The following FAM222A variants were observed in gnomAD, a reference collection of about 807,000 sequenced individuals.
FAM222A encodes family with sequence similarity 222 member A, also known as protein FAM222A.
FAM222A carries 7 observed loss-of-function variants against 25.8 expected under a neutral mutation model. That is an observed-to-expected ratio of 0.27 (90% confidence interval 0.15 to 0.51). The LOEUF is 0.51. FAM222A is among the 20% of genes least tolerant of loss of function. The pLI, the probability that FAM222A is intolerant of heterozygous loss-of-function variation, is 0.97. For missense variants in FAM222A, 573 were observed against 640.5 expected, an observed-to-expected ratio of 0.89 and a Z score of 1.14; for synonymous variants, 294 against 298.8, an observed-to-expected ratio of 0.98 and a Z score of 0.17.
chr12:109,735,929 C>T (rs955762591), intron 1 of FAM222A: 3 of 152,384 alleles, frequency 2.0e-5, no homozygotes, highest in South Asian at 4.1e-4. Context: ...AAACTTTGCA[C>T]CTTGGGATCC....
At chr12:109,734,672 A>G (rs930318257) in intron 1 of FAM222A, 1 of 152,074 alleles carries the variant, frequency 6.6e-6, no homozygotes. Context: ...AAATACAGAG[A>G]AGCACAAAGA....
At chr12:109,736,150 T>C (rs1464110493) in intron 1 of FAM222A, among the ~76,000 whole-genome samples, 3 of 152,200 alleles carry the variant, frequency 2.0e-5, no homozygotes, top group Non-Finnish European at 4.4e-5. Context: ...TGAGGTGCTC[T>C]CAGTGACTCA....
intron 2 of FAM222A, among the ~76,000 whole-genome samples, chr12:109,763,441 TGAG>T (rs1274002805): frequency 1.3e-5 from 2 of 152,218 alleles, no homozygotes; most frequent in Non-Finnish European, 2.9e-5. Context: ...GGGTCTGTCA[TGAG>T]GTTGCAGTCA....
At chr12:109,734,427 A>C (rs895352077) in intron 1 of FAM222A, 1 of 151,770 alleles carries the variant, frequency 6.6e-6, no homozygotes, top group Non-Finnish European at 1.5e-5. Flanking sequence ...CAGAAAGCTC[A>C]CTGCTTCCTG....
At chr12:109,757,889 A>G (rs1001248412) in intron 2 of FAM222A, among the ~76,000 whole-genome samples, 1 of 152,220 alleles carries the variant, frequency 6.6e-6, no homozygotes, top group East Asian at 1.9e-4. Context: ...AGGCAGCAAC[A>G]TCAGGACAAG....
intron 1 of FAM222A, among the ~76,000 whole-genome samples, chr12:109,742,802 C>T (rs1037898267): frequency 3.9e-5 from 6 of 151,928 alleles, no homozygotes; most frequent in African/African-American, 9.7e-5. Context: ...CAACCGTCTC[C>T]GGGAAATACA....
chr12:109,769,186 C>G lies in FAM222A; in HGVS notation c.1257C>G (p.Pro419=). ...LEYLINDIRP[P]CIKEQMLGKG... is the part of the protein sequence containing the mutation. ...ATCTCATCAACGACATCCGGCCGCC[C>G]TGCATCAAGGAGCAGATGCTGGGCA... The change falls in exon 3 of 3, where the codon CCC becomes CCG. Residue 419 remains proline, a synonymous_variant. Transcript: ENST00000538780. 6.2e-7 allele frequency: 1 copy of G among 1,612,520 alleles called. No homozygotes were observed. Among genetic ancestry groups the G allele is most frequent in the Non-Finnish European group, 8.5e-7 (1 of 1,179,840 alleles).
In FAM222A at chr12:109,768,759, G is replaced by A; in HGVS notation, c.830G>A (p.Gly277Glu). The change falls in exon 3 of 3, where the codon GGG (glycine) becomes GAG (glutamate). Residue 277 changes from glycine (G) to glutamate (E), a missense_variant. By Grantham distance (98) the Gly-to-Glu change is moderately conservative. Coordinates refer to ENST00000538780, the MANE Select transcript of FAM222A (RefSeq NM_032829.3). ...TTGGCTGGGGCCGCCAAGCCTGCAG[G>A]GTACGCAGACAGCGGCCTGGATTAC... ...LTLAGAAKPA[G>E]YADSGLDYLL... 1 of 1,583,092 alleles carries A rather than the reference G, an allele frequency of 6.3e-7. No homozygotes were observed. Among genetic ancestry groups the A allele is most frequent in the South Asian group, 1.1e-5 (1 of 88,580 alleles).
intron 2 of FAM222A, among the ~76,000 whole-genome samples, chr12:109,760,069 G>T (rs1888849376): frequency 6.6e-6 from 1 of 152,152 alleles, no homozygotes; most frequent in South Asian, 2.1e-4. Context: ...CCCTCTTACT[G>T]CATTTACCCA....
intron 2 of FAM222A, among the ~76,000 whole-genome samples, chr12:109,749,806 C>T (rs963377480): frequency 6.6e-6 from 1 of 152,104 alleles, no homozygotes; most frequent in African/African-American, 2.4e-5. Flanking sequence ...TGAATTATAT[C>T]CTAAGAGATA....
At chr12:109,758,225 C>A (rs1218253584) in intron 2 of FAM222A, among the ~76,000 whole-genome samples, 1 of 152,148 alleles carries the variant, frequency 6.6e-6, no homozygotes, top group Non-Finnish European at 1.5e-5. Flanking sequence ...CGTGTGTGCA[C>A]ATGTTAGAGA....
At chr12:109,762,506 C>T (rs1888927813) in intron 2 of FAM222A, among the ~76,000 whole-genome samples, 1 of 152,226 alleles carries the variant, frequency 6.6e-6, no homozygotes, top group African/African-American at 2.4e-5. Context: ...CCGCAGGCCC[C>T]CTCCCCACCA....
chr12:109,723,611 G>A (rs536590147), intron 1 of FAM222A, among the ~76,000 whole-genome samples: 155 of 152,342 alleles, frequency 1.0e-3, no homozygotes, highest in Middle Eastern at 3.4e-3. Context: ...ACTGGGCAGG[G>A]AAGCCCTGCC....
chr12:109,758,216 G>A (rs758646113), intron 2 of FAM222A, among the ~76,000 whole-genome samples: 11 of 152,190 alleles, frequency 7.2e-5, no homozygotes, highest in Non-Finnish European at 1.0e-4. Flanking sequence ...TGTAGCTTGC[G>A]TGTGTGCACA....
intron 1 of FAM222A, among the ~76,000 whole-genome samples, chr12:109,725,812 G>A (rs1458856169): frequency 6.6e-6 from 1 of 152,088 alleles, no homozygotes; most frequent in East Asian, 1.9e-4. Flanking sequence ...TGTCTGTTTC[G>A]TCTCATTTGT....
In FAM222A at chr12:109,770,445, C is replaced by T. The variant is rs1465563325; in HGVS notation, c.*1157C>T. 1 of 152,542 alleles carries T rather than the reference C, an allele frequency of 6.6e-6. No individual in the cohort carries two copies. The highest frequency in any genetic ancestry group is 2.4e-5 in the African/African-American group (1 of 41,440). The allele number at this position is 152,542 out of a possible 1,614,324, so 9.4% of individuals were successfully genotyped here. On this transcript the variant is annotated 3_prime_UTR_variant, in exon 3 of 3. Coordinates refer to ENST00000538780, the MANE Select transcript of FAM222A (RefSeq NM_032829.3). ...TATATTCTACTGTGAGAAGTGCAGT[C>T]TGCACTATATTGTTTTAAAAACGAA...
At chr12:109,751,174 C>G (rs940336670) in intron 2 of FAM222A, among the ~76,000 whole-genome samples, 1 of 151,374 alleles carries the variant, frequency 6.6e-6, no homozygotes, top group East Asian at 1.9e-4. Context: ...TTCTGCACCT[C>G]TTTTTTTTTC....
rs753323587 is a variant in FAM222A at position 109,768,216 on chromosome 12, C to G, written c.287C>G (p.Thr96Ser). ...CGCTACAGCCCCTACCCACAGCACACCGCTGGCTACCAGGGCCTTCTGGCC... is the reference window on the plus strand; with the variant it reads ...CGCTACAGCCCCTACCCACAGCACAGCGCTGGCTACCAGGGCCTTCTGGCC... ...GQRYSPYPQHTAGYQGLLAIV... is the reference protein window; with the variant it reads ...GQRYSPYPQHSAGYQGLLAIV... Residue 96 changes from threonine to serine, a missense_variant, in exon 3 of 3, where the codon ACC becomes AGC. Transcript: ENST00000538780. 3 of 1,612,476 alleles carry G rather than the reference C, an allele frequency of 1.9e-6. No homozygotes were observed. Among genetic ancestry groups the G allele is most frequent in the Non-Finnish European group, 2.5e-6 (3 of 1,179,590 alleles).
rs766800956 is a variant in FAM222A at position 109,759,612 on chromosome 12, CT to C, written c.83-8398del. On this transcript the variant is annotated intron_variant, in intron 2 of 2. Coordinates refer to ENST00000538780, the MANE Select transcript of FAM222A (RefSeq NM_032829.3). ...AATGGCAGCGGCAGTTCGTCCAGCA[CT>C]TCCAGCCCAGCCAGCCTTTTAAATT... Among the ~76,000 whole-genome samples, 130 of 152,246 alleles carry C rather than the reference CT, an allele frequency of 8.5e-4. 1 individual carries two copies. The highest frequency in any genetic ancestry group is 1.8e-4 in the Non-Finnish European group (12 of 68,044).
Sources: allele counts gnomAD v4.1 joint callset (sites outside exome capture counted in the v4.1 genomes callset), GRCh38; gene constraint gnomAD v4.1.1; transcripts MANE v1.5; gene names NCBI Gene and HGNC (gene_info 2026-07-23, HGNC 2026-07-21).